Variants in AUH observed in about 807,000 individuals in gnomAD.
AUH encodes the protein AU RNA binding methylglutaconyl-CoA hydratase, also known as methylglutaconyl-CoA hydratase, mitochondrial.
AUH carries 29 observed loss-of-function variants against 42.3 expected under a neutral mutation model. That is an observed-to-expected ratio of 0.69 (90% CI 0.51 to 0.93). AUH has a LOEUF of 0.93. Ranked by LOEUF, AUH falls within the 40% of genes least tolerant of loss-of-function variation. The probability of loss-of-function intolerance (pLI) is 0.00; values close to 1 mark genes in which losing one functional copy is unlikely to be tolerated. For missense variants in AUH, 452 were observed against 438.1 expected (o/e 1.03, Z -0.28); for synonymous variants, 174 against 166.4 (o/e 1.05, Z -0.35).
chr9:91,313,699 G>A (rs896308254), intron 4 of AUH, among the ~76,000 whole-genome samples: 5 of 118,020 alleles, frequency 4.2e-5, no homozygotes, highest in East Asian at 2.8e-4. Flanking sequence ...GCGACAAAGC[G>A]AGACTCCGTC....
At chr9:91,355,499 G>A (rs1339528558) in intron 3 of AUH, among the ~76,000 whole-genome samples, 1 of 151,778 alleles carries the variant, frequency 6.6e-6, no homozygotes, top group Non-Finnish European at 1.5e-5. Context: ...GAGGGTTGCA[G>A]TAAGCGAAGA....
At chr9:91,294,284 T>A (rs1827138374) in intron 6 of AUH, among the ~76,000 whole-genome samples, 1 of 152,214 alleles carries the variant, frequency 6.6e-6, no homozygotes, top group Non-Finnish European at 1.5e-5. Flanking sequence ...GCGTGGTGGC[T>A]CACGCCTGTA....
chr9:91,328,333 T>C (rs1056708182), intron 3 of AUH, among the ~76,000 whole-genome samples: 2 of 152,188 alleles, frequency 1.3e-5, no homozygotes, highest in African/African-American at 2.4e-5. Context: ...TATGATGGAA[T>C]AGGTCATCAT....
intron 3 of AUH, among the ~76,000 whole-genome samples, chr9:91,354,106 T>G (rs1306308576): frequency 6.6e-6 from 1 of 150,560 alleles, no homozygotes; most frequent in Non-Finnish European, 1.5e-5. Flanking sequence ...AGGCAGAGGC[T>G]GCAGTGAGCC....
At chr9:91,345,271 G>C (rs570642758) in intron 3 of AUH, among the ~76,000 whole-genome samples, 1 of 152,164 alleles carries the variant, frequency 6.6e-6, no homozygotes, top group African/African-American at 2.4e-5. Flanking sequence ...ATTCACAAAT[G>C]ACTTGACTAC....
Position 91,361,850 on chromosome 9 carries a change from A to T in AUH, c.40T>A (p.Ser14Thr), listed in dbSNP as rs1482564472. Residue 14 changes from serine (S) to threonine (T), a missense_variant, in exon 1 of 10, where the codon TCC (serine) becomes ACC (threonine). Physicochemically the swap from Ser to Thr is moderately conservative, Grantham distance 58. Transcript: ENST00000375731. ...AGGCGGGCGCCGCCAGCATGCAGGG[A>T]TCCCAAGGCCCCAGGTGCCGCCGCC... Reference protein sequence around the residue: ...AVAAAPGALGSLHAGGARLVA... With the variant: ...AVAAAPGALGTLHAGGARLVA... 2 of 1,488,636 alleles carry T rather than the reference A, an allele frequency of 1.3e-6. No homozygotes were observed. Among genetic ancestry groups the T allele is most frequent in the East Asian group, 5.6e-5 (2 of 35,532 alleles). The allele number at this position is 1,488,636 out of a possible 1,614,324, so 92.2% of individuals were successfully genotyped here. A position where few individuals can be genotyped will look rare whatever the true frequency, so the allele number is the denominator to read the frequency against.
chr9:91,265,228 A>G (rs1263691766), intron 6 of AUH, among the ~76,000 whole-genome samples: 1 of 150,160 alleles, frequency 6.7e-6, no homozygotes. Context: ...AGCTTCATTA[A>G]GTCAAATGTC....
chr9:91,319,333 G>A (rs1829393764), intron 4 of AUH, among the ~76,000 whole-genome samples: 1 of 152,144 alleles, frequency 6.6e-6, no homozygotes, highest in Non-Finnish European at 1.5e-5. Context: ...ATTTAATGTT[G>A]TAAATTCCCC....
chr9:91,297,380 A>G (rs1164710457), intron 5 of AUH, among the ~76,000 whole-genome samples: 1 of 152,144 alleles, frequency 6.6e-6, no homozygotes, highest in African/African-American at 2.4e-5. Flanking sequence ...ACCTCATAAG[A>G]TCCTCAGAAA....
At chr9:91,294,230 T>C (rs2131635029) in intron 6 of AUH, among the ~76,000 whole-genome samples, 1 of 152,284 alleles carries the variant, frequency 6.6e-6, no homozygotes, top group African/African-American at 2.4e-5. Context: ...CATGGATCAG[T>C]CTACTTTCAA....
intron 4 of AUH, 102 bp downstream of exon 4, chr9:91,325,216 A>G: frequency 1.1e-6 from 1 of 899,404 alleles, no homozygotes; most frequent in Non-Finnish European, 1.8e-6. Context: ...TTATCTAATT[A>G]TATAAATATT....
intron 3 of AUH, 123 bp downstream of exon 3, chr9:91,355,760 C>A: frequency 3.6e-6 from 3 of 826,780 alleles, no homozygotes; most frequent in Admixed American, 4.3e-5. Flanking sequence ...ATCAGTAAAA[C>A]ACAGACAAAG....
chr9:91,353,426 G>A (rs965812279), intron 3 of AUH, among the ~76,000 whole-genome samples: 29 of 152,104 alleles, frequency 1.9e-4, no homozygotes, highest in African/African-American at 6.3e-4. Context: ...ACAAATTAAA[G>A]CTTTAATTAT....
Position 91,246,867 on chromosome 9 carries a change from T to C in AUH, c.656-25875A>G, listed in dbSNP as rs559980383. 2.0e-5 allele frequency among the ~76,000 whole-genome samples: 3 copies of C among 152,336 alleles called. No individual in the cohort carries two copies. In the South Asian group the frequency reaches 6.2e-4, roughly 32 times the overall value. Reference sequence around the variant, plus strand: ...TGGCTGAAAAGCCACATGATGAGGATGGCAAAACAGCAGGCTGGAAAGTCT... The same window carrying C: ...TGGCTGAAAAGCCACATGATGAGGACGGCAAAACAGCAGGCTGGAAAGTCT... On this transcript the variant is annotated intron_variant, in intron 6 of 9. Coordinates refer to ENST00000375731, the MANE Select transcript of AUH (RefSeq NM_001698.3).
intron 3 of AUH, among the ~76,000 whole-genome samples, chr9:91,330,909 A>G (rs569501060): frequency 6.6e-6 from 1 of 152,342 alleles, no homozygotes; most frequent in African/African-American, 2.4e-5. Flanking sequence ...ATGGGTAATG[A>G]TAAGGAAGGG....
At chr9:91,235,622 A>C (rs1828133868) in intron 6 of AUH, among the ~76,000 whole-genome samples, 1 of 152,204 alleles carries the variant, frequency 6.6e-6, no homozygotes, top group Non-Finnish European at 1.5e-5. Context: ...TGTTTAGACA[A>C]ATGTCAGCAA....
chr9:91,337,693 C>A (rs1587889884), intron 3 of AUH, among the ~76,000 whole-genome samples: 1 of 152,238 alleles, frequency 6.6e-6, no homozygotes, highest in East Asian at 1.9e-4. Flanking sequence ...TCCTAACAGG[C>A]TTATAGTTTA....
chr9:91,330,027 T>C (rs1190691941), intron 3 of AUH, among the ~76,000 whole-genome samples: 1 of 152,080 alleles, frequency 6.6e-6, no homozygotes, highest in East Asian at 1.9e-4. Context: ...TTACAAGGAT[T>C]GAAAGGTATA....
intron 6 of AUH, among the ~76,000 whole-genome samples, chr9:91,254,914 T>A (rs577370237): frequency 1.2e-4 from 18 of 152,248 alleles, no homozygotes; most frequent in Middle Eastern, 3.4e-3. Flanking sequence ...AGACTTGACA[T>A]AAAACTAAGA....
Sources: gnomAD v4.1 joint callset for allele counts (sites outside exome capture counted in the v4.1 genomes callset) on GRCh38, gnomAD v4.1.1 for gene constraint, MANE v1.5 for transcripts, NCBI Gene and HGNC (gene_info 2026-07-23, HGNC 2026-07-21) for gene names.